Variants in HS1BP3 observed in about 807,000 individuals in gnomAD.
HS1BP3 encodes HCLS1 binding protein 3.
In HS1BP3, 32 loss-of-function variants were observed where a neutral mutation model predicts 33.5. That is an observed-to-expected ratio of 0.95 (90% CI 0.72 to 1.28). The LOEUF is 1.28. HS1BP3 is among the 50% of genes most tolerant of loss of function. The pLI, the probability that HS1BP3 is intolerant of heterozygous loss-of-function variation, is 0.00. For synonymous variants in HS1BP3, 187 were observed against 209.2 expected, an observed-to-expected ratio of 0.89 and a Z score of 0.92; for missense variants, 486 against 502.3, an observed-to-expected ratio of 0.97 and a Z score of 0.31.
chr2:20,554,679 G>A, the HS1BP3 span, among the ~76,000 whole-genome samples: 2 of 129,896 alleles, frequency 1.5e-5, no homozygotes, highest in Non-Finnish European at 3.1e-5. Context: ...ACTCAAGCCT[G>A]AACAACAAGA....
intron 5 of HS1BP3, among the ~76,000 whole-genome samples, chr2:20,569,109 G>T (rs1200833934): frequency 6.6e-6 from 1 of 152,128 alleles, no homozygotes; most frequent in East Asian, 1.9e-4. Flanking sequence ...AGCCCAGCCT[G>T]CCTGGGCCTT....
intron 2 of HS1BP3, among the ~76,000 whole-genome samples, chr2:20,607,040 G>A (rs1694203177): frequency 6.6e-6 from 1 of 151,772 alleles, no homozygotes; most frequent in Non-Finnish European, 1.5e-5. Flanking sequence ...CAAATCTCAG[G>A]TCATGAAGAC....
At chr2:20,616,298 C>T (rs1051818119), downstream of HS1BP3, among the ~76,000 whole-genome samples, 3 of 152,206 alleles carry the variant, frequency 2.0e-5, no homozygotes, top group Non-Finnish European at 2.9e-5. Flanking sequence ...TCTGTCCCTG[C>T]AGGAGGCCTC....
At chr2:20,596,091 C>T (rs1489164904) in intron 3 of HS1BP3, among the ~76,000 whole-genome samples, 1 of 152,128 alleles carries the variant, frequency 6.6e-6, no homozygotes, top group Non-Finnish European at 1.5e-5. Context: ...AGCTTGAAAA[C>T]CGCTGACCCA....
intron 5 of HS1BP3, among the ~76,000 whole-genome samples, chr2:20,579,798 A>C (rs760480455): frequency 2.0e-5 from 3 of 152,228 alleles, no homozygotes; most frequent in Non-Finnish European, 4.4e-5. Context: ...AGACTCACTG[A>C]TTCTTCTGTC....
chr2:20,584,490 C>T (rs1000386129), intron 5 of HS1BP3, among the ~76,000 whole-genome samples: 10 of 152,224 alleles, frequency 6.6e-5, no homozygotes, highest in African/African-American at 2.2e-4. Flanking sequence ...CCTGCACCAC[C>T]ATCCCCCGCC....
intron 6 of HS1BP3, 36 bp from the exon 7 acceptor site, chr2:20,619,281 C>T (rs777552662): frequency 2.0e-5 from 31 of 1,515,318 alleles, no homozygotes; most frequent in Non-Finnish European, 2.3e-5. Context: ...GAGCATAACA[C>T]TGCCACCCCG....
intron 5 of HS1BP3, among the ~76,000 whole-genome samples, chr2:20,584,022 A>T (rs981184601): frequency 6.6e-6 from 1 of 152,234 alleles, no homozygotes; most frequent in African/African-American, 2.4e-5. Flanking sequence ...TTGACCCTCC[A>T]GCAACAGGGC....
chr2:20,600,631 A>G (rs1694052071), intron 2 of HS1BP3, among the ~76,000 whole-genome samples: 1 of 152,240 alleles, frequency 6.6e-6, no homozygotes, highest in Admixed American at 6.5e-5. Flanking sequence ...TATTTTCTAC[A>G]TTAAAATCCT....
At chr2:20,631,745 G>A (rs946016827) in intron 4 of HS1BP3, among the ~76,000 whole-genome samples, 2 of 151,906 alleles carry the variant, frequency 1.3e-5, no homozygotes, top group African/African-American at 4.8e-5. Context: ...CCACAATGGG[G>A]CCAGAGACTG....
At chr2:20,572,661 A>G (rs1329680767) in intron 5 of HS1BP3, among the ~76,000 whole-genome samples, 1 of 152,232 alleles carries the variant, frequency 6.6e-6, no homozygotes, top group African/African-American at 2.4e-5. Context: ...TACCTCGAAC[A>G]TGGAAGGTCT....
chr2:20,619,023 G>C lies in HS1BP3; in HGVS notation c.1143C>G (p.His381Gln). The C allele has an allele frequency of 6.2e-7, 1 of 1,614,146 alleles. No individual in the cohort carries two copies. Among genetic ancestry groups the C allele is most frequent in the Non-Finnish European group, 8.5e-7 (1 of 1,180,008 alleles). Reference protein sequence around the residue: ...EMDILQYIQDHDTPAQAAPSL... With the variant: ...EMDILQYIQDQDTPAQAAPSL... ...TGGGGGCGGCCTGGGCTGGTGTATC[G>C]TGGTCCTGGATGTACTGCAAGATGT... is the stretch of plus-strand genomic sequence containing the variant. The change falls in exon 7 of 7, where the codon CAC becomes CAG. Residue 381 changes from histidine (H) to glutamine (Q), a missense_variant. By Grantham distance (24) the His-to-Gln change is conservative. Transcript: ENST00000304031.
chr2:20,592,835 A>C (rs960265620), intron 3 of HS1BP3: 1 of 152,258 alleles, frequency 6.6e-6, no homozygotes, highest in African/African-American at 2.4e-5. Context: ...ACACAGGATG[A>C]TCTCATCTTG....
chr2:20,646,641 G>C (rs1052611740), intron 1 of HS1BP3, among the ~76,000 whole-genome samples: 1 of 152,282 alleles, frequency 6.6e-6, no homozygotes, highest in Non-Finnish European at 1.5e-5. Flanking sequence ...GTGGTGAAAA[G>C]TGCAGCAAGG....
intron 6 of HS1BP3, chr2:20,623,606 A>G (rs1215659621): frequency 3.4e-6 from 1 of 290,444 alleles, no homozygotes; most frequent in Non-Finnish European, 6.3e-6. Context: ...TATATAATTT[A>G]ATTATTCTTT....
downstream of HS1BP3, among the ~76,000 whole-genome samples, chr2:20,556,009 T>C (rs1480941346): frequency 6.6e-6 from 1 of 152,162 alleles, no homozygotes; most frequent in East Asian, 1.9e-4. Flanking sequence ...TGTAGACAGG[T>C]GCAAAATAAA....
chr2:20,555,947 T>C (rs1692831232), downstream of HS1BP3, among the ~76,000 whole-genome samples: 1 of 152,136 alleles, frequency 6.6e-6, no homozygotes, highest in Non-Finnish European at 1.5e-5. Context: ...CCTCAGTTCT[T>C]CCTCTGTAAG....
At chr2:20,562,475 T>C (rs1339809270) in intron 5 of HS1BP3, among the ~76,000 whole-genome samples, 1 of 152,140 alleles carries the variant, frequency 6.6e-6, no homozygotes, top group Non-Finnish European at 1.5e-5. Context: ...TGAGACCTTG[T>C]GTCTAAAAAA....
the HS1BP3 span, among the ~76,000 whole-genome samples, chr2:20,555,278 C>T: frequency 6.6e-6 from 1 of 152,346 alleles, no homozygotes; most frequent in Non-Finnish European, 1.5e-5. Context: ...GCTTAAGAGG[C>T]CAGGTGGCTG....
Sources: gnomAD v4.1 joint callset for allele counts (sites outside exome capture counted in the v4.1 genomes callset) on GRCh38, gnomAD v4.1.1 for gene constraint, MANE v1.5 for transcripts, NCBI Gene and HGNC (gene_info 2026-07-23, HGNC 2026-07-21) for gene names.